Variants in ERI1 observed in about 807,000 individuals in gnomAD.
ERI1 encodes the protein exoribonuclease 1, also known as 3'-5' exoribonuclease 1.
A neutral mutation model predicts 39.7 loss-of-function variants in ERI1; 39 were observed. The observed-to-expected ratio is 0.98, with a 90% confidence interval of 0.76 to 1.28. The LOEUF (loss-of-function observed/expected upper bound fraction) is 1.28. Among genes scored for constraint, ERI1 ranks in the 50% most tolerant of loss-of-function variants. The pLI is 0.00. For missense variants in ERI1, 581 were observed against 416.9 expected, an observed-to-expected ratio of 1.39 and a Z score of -3.43; for synonymous variants, 204 against 149.6, an observed-to-expected ratio of 1.36 and a Z score of -2.65.
chr8:9,030,922 A>G lies in ERI1; in HGVS notation c.*888A>G, dbSNP rs1797543492. 1 of 152,222 alleles carries G rather than the reference A, an allele frequency of 6.6e-6. No individual in the cohort carries two copies. The highest frequency in any genetic ancestry group is 1.5e-5 in the Non-Finnish European group (1 of 68,020). The allele number at this position is 152,222 out of a possible 1,614,324, so 9.4% of individuals were successfully genotyped here. On this transcript the variant is annotated 3_prime_UTR_variant, in exon 7 of 7. Coordinates refer to ENST00000250263, the MANE Select transcript of ERI1 (RefSeq NM_153332.4). ...TTCTACCATATATTACGTTTTTGTTATTAAAAAACTTCATTGGCCACTAGT... is the reference window on the plus strand; with the variant it reads ...TTCTACCATATATTACGTTTTTGTTGTTAAAAAACTTCATTGGCCACTAGT...
intron 3 of ERI1, among the ~76,000 whole-genome samples, chr8:9,046,626 A>G (rs1400697235): frequency 6.6e-6 from 1 of 152,238 alleles, no homozygotes; most frequent in Non-Finnish European, 1.5e-5. Context: ...ATGAAATATC[A>G]ACTTTCTCCC....
At chr8:9,019,562 C>T (rs1007086679) in intron 5 of ERI1, among the ~76,000 whole-genome samples, 1 of 152,144 alleles carries the variant, frequency 6.6e-6, no homozygotes, top group African/African-American at 2.4e-5. Context: ...CTAACAAAAA[C>T]CAATCATTAG....
chr8:9,072,770 C>T (rs933457870), intron 3 of ERI1, among the ~76,000 whole-genome samples: 1 of 152,022 alleles, frequency 6.6e-6, no homozygotes, highest in African/African-American at 2.4e-5. Flanking sequence ...ACAGAGTGAC[C>T]CCCCACCCCA....
At chr8:9,085,791 C>A (rs1018824117) in intron 3 of ERI1, among the ~76,000 whole-genome samples, 1 of 152,000 alleles carries the variant, frequency 6.6e-6, no homozygotes, top group African/African-American at 2.4e-5. Flanking sequence ...CAAAGTATAG[C>A]TGTTGGGATT....
chr8:9,035,953 G>A (rs930626545), downstream of ERI1, among the ~76,000 whole-genome samples: 3 of 152,188 alleles, frequency 2.0e-5, no homozygotes, highest in African/African-American at 7.2e-5. Context: ...AGGGGCCCAA[G>A]ACTTCAGTGG....
rs182987510 is a variant in ERI1, at chr8:9,041,184, A to G, written n.299+20720A>G. Among the ~76,000 whole-genome samples, 8 of 152,342 alleles carry G rather than the reference A, an allele frequency of 5.3e-5. No homozygotes were observed. The East Asian group carries it at 1.5e-3, about 29-fold the overall frequency. On this transcript the variant is annotated intron_variant and non_coding_transcript_variant, in intron 3 of 3. Transcript: ENST00000518663. ...CTGGTGAGAAAAATGTGGGAATTCC[A>G]AGCAACAACGTATTAGGGATGATTC... is the stretch of plus-strand genomic sequence containing the variant.
intron 3 of ERI1, among the ~76,000 whole-genome samples, chr8:9,064,927 T>C (rs1798827694): frequency 6.6e-6 from 1 of 151,996 alleles, no homozygotes; most frequent in South Asian, 2.1e-4. Flanking sequence ...GGCTGTTTTA[T>C]AGGATTTGGG....
intron 3 of ERI1, among the ~76,000 whole-genome samples, chr8:9,040,938 C>G (rs927382503): frequency 2.0e-5 from 3 of 152,170 alleles, no homozygotes; most frequent in Non-Finnish European, 4.4e-5. Context: ...TAGCATTATT[C>G]CCACCTCGGT....
intron 2 of ERI1, 125 bp downstream of exon 2, chr8:9,008,273 C>A: frequency 1.2e-6 from 1 of 832,566 alleles, no homozygotes; most frequent in Non-Finnish European, 1.7e-6. Flanking sequence ...ATTAACAGTT[C>A]ACAAAAACTA....
chr8:9,099,177 A>G (rs1799972276), intron 3 of ERI1, among the ~76,000 whole-genome samples: 1 of 152,168 alleles, frequency 6.6e-6, no homozygotes, highest in Non-Finnish European at 1.5e-5. Context: ...CCATAAAACC[A>G]TCACCAGGAT....
chr8:9,044,670 A>G (rs1798123858), intron 3 of ERI1, among the ~76,000 whole-genome samples: 1 of 152,116 alleles, frequency 6.6e-6, no homozygotes, highest in Non-Finnish European at 1.5e-5. Context: ...TCATGACATT[A>G]GAAAGAGAAG....
intron 3 of ERI1, among the ~76,000 whole-genome samples, chr8:9,058,821 A>C (rs1012280006): frequency 6.0e-5 from 9 of 149,368 alleles, no homozygotes; most frequent in Admixed American, 1.4e-4. Flanking sequence ...AAAATAAATA[A>C]ATAAACAGCA....
chr8:9,070,952 C>T (rs1451400814), intron 3 of ERI1, among the ~76,000 whole-genome samples: 2 of 152,128 alleles, frequency 1.3e-5, no homozygotes, highest in Non-Finnish European at 2.9e-5. Context: ...CTTACAAGGG[C>T]ACCCATGGCT....
At chr8:9,027,279 A>G (rs554303481) in intron 6 of ERI1, among the ~76,000 whole-genome samples, 6 of 151,978 alleles carry the variant, frequency 3.9e-5, no homozygotes, top group African/African-American at 1.2e-4. Context: ...TGTGATTTTT[A>G]GCCATTGGCA....
chr8:9,080,808 G>T (rs887561928), intron 3 of ERI1, among the ~76,000 whole-genome samples: 2 of 152,136 alleles, frequency 1.3e-5, no homozygotes, highest in African/African-American at 4.8e-5. Context: ...TCAGCTAAAT[G>T]GGGGGTGGAG....
downstream of ERI1, among the ~76,000 whole-genome samples, chr8:9,037,002 C>T (rs1032659591): frequency 1.3e-4 from 20 of 152,198 alleles, no homozygotes; most frequent in Non-Finnish European, 4.4e-5. Context: ...ACTTTATCCT[C>T]ACCCCAGCCT....
intron 3 of ERI1, among the ~76,000 whole-genome samples, chr8:9,063,496 G>A (rs920852536): frequency 6.6e-6 from 1 of 152,136 alleles, no homozygotes; most frequent in African/African-American, 2.4e-5. Flanking sequence ...GGCTGAGGAA[G>A]AATCGGGACC....
At chr8:9,079,738 C>T (rs1245425409) in intron 3 of ERI1, among the ~76,000 whole-genome samples, 1 of 152,120 alleles carries the variant, frequency 6.6e-6, no homozygotes, top group Non-Finnish European at 1.5e-5. Context: ...CAGTGGATCA[C>T]GGCTCACTGC....
At chr8:9,042,590 G>T (rs1408581665) in intron 3 of ERI1, among the ~76,000 whole-genome samples, 1 of 152,104 alleles carries the variant, frequency 6.6e-6, no homozygotes, top group African/African-American at 2.4e-5. Context: ...GCCTTCTGGG[G>T]CTTTGTGGCC....
Sources: allele counts gnomAD v4.1 joint callset (sites outside exome capture counted in the v4.1 genomes callset), GRCh38; gene constraint gnomAD v4.1.1; transcripts MANE v1.5; gene names NCBI Gene and HGNC (gene_info 2026-07-23, HGNC 2026-07-21).